The following AUTS2 variants were observed in gnomAD, a reference collection of about 807,000 sequenced individuals.
The protein encoded by AUTS2 is activator of transcription and developmental regulator AUTS2.
A neutral mutation model predicts 112.4 loss-of-function variants in AUTS2; 17 were observed. That is an observed-to-expected ratio of 0.15 (90% CI 0.10 to 0.23). The LOEUF (loss-of-function observed/expected upper bound fraction) is 0.23, where lower values mean the gene tolerates loss of function less well. AUTS2 is among the 10% of genes least tolerant of loss of function. The probability of loss-of-function intolerance (pLI) is 1.00; values close to 1 mark genes in which losing one functional copy is unlikely to be tolerated. For synonymous variants in AUTS2, 751 were observed against 702.7 expected, an observed-to-expected ratio of 1.07 and a Z score of -1.09; for missense variants, 1,510 against 1,701.6, an observed-to-expected ratio of 0.89 and a Z score of 1.98.
chr7:69,881,006 C>T (rs1045695033), intron 1 of AUTS2, among the ~76,000 whole-genome samples: 21 of 152,204 alleles, frequency 1.4e-4, no homozygotes, highest in Admixed American at 5.2e-4. Flanking sequence ...TGAGTAGAAT[C>T]GCCAAGGTTC....
At chr7:69,814,887 G>A (rs549680871) in intron 1 of AUTS2, among the ~76,000 whole-genome samples, 1 of 152,330 alleles carries the variant, frequency 6.6e-6, no homozygotes, top group South Asian at 2.1e-4. Context: ...AGCATTCGTG[G>A]CATCTTAATG....
At chr7:70,118,280 A>G (rs913734394) in intron 3 of AUTS2, 47 bp downstream of exon 3, 1 of 1,497,542 alleles carries the variant, frequency 6.7e-7, no homozygotes, top group Admixed American at 2.5e-5. Flanking sequence ...AACGAAAACC[A>G]CTAGGCCACA....
chr7:70,022,340 A>C (rs1374990727), intron 2 of AUTS2, among the ~76,000 whole-genome samples: 1 of 144,888 alleles, frequency 6.9e-6, no homozygotes, highest in Non-Finnish European at 1.5e-5. Flanking sequence ...TTTTTTTTTG[A>C]GACAGAGTCT....
At chr7:70,318,968 C>G (rs190397153) in intron 4 of AUTS2, among the ~76,000 whole-genome samples, 26 of 152,234 alleles carry the variant, frequency 1.7e-4, no homozygotes, top group Admixed American at 6.5e-4. Flanking sequence ...TGTGCTGTCT[C>G]TTTTCAAGCA....
At chr7:70,132,314 G>A (rs1018217681) in intron 3 of AUTS2, among the ~76,000 whole-genome samples, 1 of 151,854 alleles carries the variant, frequency 6.6e-6, no homozygotes, top group Non-Finnish European at 1.5e-5. Context: ...GTGTTCCCTC[G>A]TGTGTCTGTG....
intron 4 of AUTS2, among the ~76,000 whole-genome samples, chr7:70,336,333 C>A (rs1790989546): frequency 6.6e-6 from 1 of 152,190 alleles, no homozygotes. Flanking sequence ...CCATTGCTAG[C>A]ATTTCTCTCT....
At chr7:70,750,393 C>T in intron 6 of AUTS2, among the ~76,000 whole-genome samples, 1 of 148,244 alleles carries the variant, frequency 6.7e-6, no homozygotes, top group Non-Finnish European at 1.5e-5. Flanking sequence ...GCATTGATTA[C>T]AGCTCACTGC....
At chr7:70,043,189 G>A (rs1801320995) in intron 2 of AUTS2, among the ~76,000 whole-genome samples, 1 of 152,112 alleles carries the variant, frequency 6.6e-6, no homozygotes, top group South Asian at 2.1e-4. Context: ...ATGCATAAAT[G>A]GGGCAGGTCC....
chr7:70,132,090 A>C (rs925205780), intron 3 of AUTS2, among the ~76,000 whole-genome samples: 1 of 151,448 alleles, frequency 6.6e-6, no homozygotes, highest in African/African-American at 2.4e-5. Context: ...AAAGTCGATC[A>C]CAAGAGGGTT....
At chr7:70,484,505 A>G (rs1797909726) in intron 5 of AUTS2, among the ~76,000 whole-genome samples, 1 of 152,236 alleles carries the variant, frequency 6.6e-6, no homozygotes, top group African/African-American at 2.4e-5. Flanking sequence ...TCAGGGTCTC[A>G]GCTTTCATTC....
chr7:70,778,805 A>ATGAT (rs1790876036), intron 14 of AUTS2, among the ~76,000 whole-genome samples: 1 of 152,186 alleles, frequency 6.6e-6, no homozygotes, highest in Non-Finnish European at 1.5e-5. Flanking sequence ...CTAGATTTTG[A>ATGAT]TGATTAGTTC....
At chr7:70,187,113 T>C (rs1809645450) in intron 4 of AUTS2, among the ~76,000 whole-genome samples, 1 of 152,190 alleles carries the variant, frequency 6.6e-6, no homozygotes, top group Non-Finnish European at 1.5e-5. Context: ...AGTGGATTGA[T>C]AGTAGATTAG....
chr7:70,551,355 A>G (rs940284053), intron 5 of AUTS2, among the ~76,000 whole-genome samples: 1 of 152,126 alleles, frequency 6.6e-6, no homozygotes, highest in Admixed American at 6.5e-5. Context: ...GAGACCTTCA[A>G]CCTGGTGACC....
At chr7:70,693,076 T>C (rs1808839997) in intron 5 of AUTS2, among the ~76,000 whole-genome samples, 1 of 152,208 alleles carries the variant, frequency 6.6e-6, no homozygotes, top group Admixed American at 6.5e-5. Flanking sequence ...TTTCTTGTAC[T>C]AGGAAAATTG....
At chr7:70,476,967 T>A (rs1483618444) in intron 5 of AUTS2, among the ~76,000 whole-genome samples, 1 of 152,216 alleles carries the variant, frequency 6.6e-6, no homozygotes, top group Admixed American at 6.5e-5. Flanking sequence ...AAGTAGCCTC[T>A]CCCTTCTGTC....
chr7:70,003,077 A>T (rs1799272471), intron 2 of AUTS2, among the ~76,000 whole-genome samples: 1 of 148,486 alleles, frequency 6.7e-6, no homozygotes, highest in Non-Finnish European at 1.5e-5. Context: ...TACATATTGC[A>T]TATTATACAT....
At chr7:69,796,425 A>AG (rs1241526590) in intron 1 of AUTS2, among the ~76,000 whole-genome samples, 1 of 151,450 alleles carries the variant, frequency 6.6e-6, no homozygotes, top group African/African-American at 2.4e-5. Context: ...TGGAAGGCTG[A>AG]GGTGGGAGGC....
chr7:70,361,210 G>A (rs760313690), intron 4 of AUTS2, among the ~76,000 whole-genome samples: 1 of 152,082 alleles, frequency 6.6e-6, no homozygotes, highest in Non-Finnish European at 1.5e-5. Context: ...GCGGACGCCC[G>A]TAGTCCCAGC....
intron 5 of AUTS2, among the ~76,000 whole-genome samples, chr7:70,475,096 T>C (rs1797532675): frequency 6.6e-6 from 1 of 152,184 alleles, no homozygotes; most frequent in Non-Finnish European, 1.5e-5. Context: ...GCCTGGCATG[T>C]TGTATATCTG....
Sources: gnomAD v4.1 joint callset for allele counts (sites outside exome capture counted in the v4.1 genomes callset) on GRCh38, gnomAD v4.1.1 for gene constraint, MANE v1.5 for transcripts, NCBI Gene and HGNC (gene_info 2026-07-23, HGNC 2026-07-21) for gene names.